GRIN2B: variants seen among roughly 807,000 people sequenced by gnomAD.
GRIN2B encodes the protein glutamate receptor ionotropic, NMDA 2B.
In GRIN2B, 5 loss-of-function variants were observed where a neutral mutation model predicts 114.5. The ratio of observed to expected loss-of-function variants is 0.04; its 90% CI spans 0.02 to 0.09. The LOEUF is 0.09. Among genes scored for constraint, GRIN2B ranks in the 10% least tolerant of loss-of-function variants. The pLI, the probability that GRIN2B is intolerant of heterozygous loss-of-function variation, is 1.00. For synonymous variants in GRIN2B, 787 were observed against 745.1 expected, an observed-to-expected ratio of 1.06 and a Z score of -0.92; for missense variants, 1,108 against 1,943.5, an observed-to-expected ratio of 0.57 and a Z score of 8.08.
chr12:13,914,752 A>G (rs943006608), intron 2 of GRIN2B, among the ~76,000 whole-genome samples: 3 of 152,232 alleles, frequency 2.0e-5, no homozygotes, highest in Admixed American at 2.0e-4. Context: ...TAAAAAATGA[A>G]GTCCTGTCAT....
chr12:13,646,365 A>T (rs1949761807), intron 5 of GRIN2B, among the ~76,000 whole-genome samples: 1 of 152,118 alleles, frequency 6.6e-6, no homozygotes, highest in African/African-American at 2.4e-5. Context: ...AGGCACTGAC[A>T]TTCCTTTTAT....
At chr12:13,577,455 TCA>T (rs1385161954) in intron 10 of GRIN2B, among the ~76,000 whole-genome samples, 2 of 151,868 alleles carry the variant, frequency 1.3e-5, no homozygotes, top group Non-Finnish European at 2.9e-5. Flanking sequence ...GGGCCAGGAG[TCA>T]AGGCCCCCAC....
intron 2 of GRIN2B, among the ~76,000 whole-genome samples, chr12:13,968,448 C>G (rs1249453330): frequency 2.6e-5 from 4 of 152,118 alleles, no homozygotes; most frequent in Non-Finnish European, 5.9e-5. Flanking sequence ...GTGAGTTCAG[C>G]AAGGTTGTAT....
At chr12:13,794,219 A>AAG (rs1555140769) in intron 3 of GRIN2B, among the ~76,000 whole-genome samples, 1 of 151,024 alleles carries the variant, frequency 6.6e-6, no homozygotes, top group South Asian at 2.1e-4. Context: ...AAAAAAAAAA[A>AAG]AAAAGAAAAA....
intron 5 of GRIN2B, among the ~76,000 whole-genome samples, chr12:13,646,901 A>C (rs113867268): frequency 3.9e-5 from 6 of 152,190 alleles, no homozygotes; most frequent in Middle Eastern, 3.4e-3. Flanking sequence ...GCCATTTGTC[A>C]ACTACCTATG....
intron 2 of GRIN2B, among the ~76,000 whole-genome samples, chr12:13,938,387 C>T (rs1867167793): frequency 6.6e-6 from 1 of 152,058 alleles, no homozygotes; most frequent in Admixed American, 6.6e-5. Context: ...AAGCTGTACC[C>T]TGCAACTACA....
chr12:13,936,640 A>C (rs1867134582), intron 2 of GRIN2B, among the ~76,000 whole-genome samples: 1 of 152,202 alleles, frequency 6.6e-6, no homozygotes, highest in Non-Finnish European at 1.5e-5. Context: ...TATTATCCAA[A>C]ATGCCCAGTA....
Position 13,615,199 on chromosome 12 carries a change from G to A in GRIN2B, c.1569C>T (p.Val523=), listed in dbSNP as rs148573953. The A allele has an allele frequency of 1.1e-4, 179 of 1,613,070 alleles. 1 individual carries two copies. The African/African-American group carries it at 2.1e-3, about 19-fold the overall frequency. The change falls in exon 8 of 14, where the codon GTC becomes GTT. Residue 523 remains valine, a synonymous_variant. Coordinates refer to ENST00000609686, the MANE Select transcript of GRIN2B (RefSeq NM_000834.5). This position sits in a 1 kb window ranked among gnomAD's most constrained non-coding sequence, Gnocchi z 5.8. ...TCTCTATGAAGGGCACAGAGAAGTC[G>A]ACCACCTCCGATCGTTCCTCATTGA... ...LTINEERSEV[V]DFSVPFIETG...
At chr12:13,777,287 G>GCAA (rs1281150473) in intron 3 of GRIN2B, among the ~76,000 whole-genome samples, 4 of 152,156 alleles carry the variant, frequency 2.6e-5, no homozygotes, top group African/African-American at 9.7e-5. Flanking sequence ...ACTTCCTGGA[G>GCAA]AAGCTTCTTT....
chr12:13,582,440 C>CT (rs1436930968), intron 10 of GRIN2B, among the ~76,000 whole-genome samples: 1 of 152,190 alleles, frequency 6.6e-6, no homozygotes, highest in African/African-American at 2.4e-5. Flanking sequence ...CATTTTGCTA[C>CT]TGCCAAAAAG....
Position 13,970,321 on chromosome 12 carries a change from G to T in GRIN2B, c.-19+9607C>A, listed in dbSNP as rs556814688. Among the ~76,000 whole-genome samples, 7 of 152,336 alleles carry T rather than the reference G, an allele frequency of 4.6e-5. No homozygotes were observed. The South Asian group carries it at 1.0e-3, about 23-fold the overall frequency. ...TCAAAGAACTGAGGCACTAAGGAAT[G>T]AGTATATTTTCACTTCATCAGCCTA... On this transcript the variant is annotated intron_variant, in intron 2 of 13. Coordinates refer to ENST00000609686, the MANE Select transcript of GRIN2B (RefSeq NM_000834.5).
intron 3 of GRIN2B, among the ~76,000 whole-genome samples, chr12:13,784,590 T>C (rs1864189692): frequency 6.6e-6 from 1 of 152,180 alleles, no homozygotes. Context: ...TGAGCTGGCC[T>C]AAAGACTCAT....
chr12:13,790,531 T>C (rs1396784775), intron 3 of GRIN2B, among the ~76,000 whole-genome samples: 1 of 152,356 alleles, frequency 6.6e-6, no homozygotes, highest in South Asian at 2.1e-4. Flanking sequence ...CAAATAGATA[T>C]GTACAAGTTA....
intron 2 of GRIN2B, among the ~76,000 whole-genome samples, chr12:13,949,360 A>G (rs1208176231): frequency 1.3e-5 from 2 of 151,926 alleles, no homozygotes; most frequent in Non-Finnish European, 2.9e-5. Flanking sequence ...CATCCTCCAG[A>G]CCCTCTGAGA....
At chr12:13,788,965 CACTT>C (rs1326799818) in intron 3 of GRIN2B, among the ~76,000 whole-genome samples, 4 of 152,182 alleles carry the variant, frequency 2.6e-5, no homozygotes, top group African/African-American at 9.7e-5. Context: ...ATGTCGAACT[CACTT>C]AATTTGCTGA....
At chr12:13,578,058 A>G (rs1948800951) in intron 10 of GRIN2B, among the ~76,000 whole-genome samples, 1 of 152,232 alleles carries the variant, frequency 6.6e-6, no homozygotes. Context: ...AGAGGCAAAC[A>G]GTAAGCCTGT....
intron 2 of GRIN2B, among the ~76,000 whole-genome samples, chr12:13,915,763 G>A (rs10772719): frequency 0.22 from 33,776 of 151,972 alleles, 4,397 homozygotes; most frequent in East Asian, 0.44. Flanking sequence ...AAGTCCATCT[G>A]AAGCCACTCT....
chr12:13,927,733 C>T (rs905570573), intron 2 of GRIN2B, among the ~76,000 whole-genome samples: 4 of 151,546 alleles, frequency 2.6e-5, no homozygotes, highest in Admixed American at 2.0e-4. Flanking sequence ...GTGGGAGGAT[C>T]GCTTGAGCCC....
intron 10 of GRIN2B, among the ~76,000 whole-genome samples, chr12:13,605,187 C>T (rs186281191): frequency 2.6e-5 from 4 of 151,610 alleles, no homozygotes; most frequent in African/African-American, 7.3e-5. Flanking sequence ...TAATAGAATG[C>T]GGAAGATACG....
Sources: gnomAD v4.1 joint callset for allele counts (sites outside exome capture counted in the v4.1 genomes callset) on GRCh38, gnomAD v4.1.1 for gene constraint, Gnocchi (gnomAD v3.1) non-coding constraint, MANE v1.5 for transcripts, NCBI Gene and HGNC (gene_info 2026-07-23, HGNC 2026-07-21) for gene names.